Variants in HERC4 observed in about 807,000 individuals in gnomAD.
HERC4 encodes HECT and RLD domain containing E3 ubiquitin protein ligase 4.
A neutral mutation model predicts 124.3 loss-of-function variants in HERC4; 28 were observed. That is an observed-to-expected ratio of 0.23 (90% CI 0.17 to 0.31). HERC4 has a LOEUF of 0.31. Among genes scored for constraint, HERC4 ranks in the 10% least tolerant of loss-of-function variants. The pLI is 1.00. For synonymous variants in HERC4, 407 were observed against 421.5 expected, an observed-to-expected ratio of 0.97 and a Z score of 0.42; for missense variants, 713 against 1,229.3, an observed-to-expected ratio of 0.58 and a Z score of 6.28.
intron 9 of HERC4, among the ~76,000 whole-genome samples, chr10:68,008,282 T>C (rs1023183623): frequency 5.3e-5 from 8 of 152,230 alleles, no homozygotes; most frequent in Non-Finnish European, 1.2e-4. Context: ...CCAAAGCATG[T>C]AGAGACTAAT....
intron 16 of HERC4, chr10:67,961,025 T>G (rs2034481904): frequency 3.1e-6 from 1 of 325,388 alleles, no homozygotes; most frequent in Non-Finnish European, 5.8e-6. Context: ...AGAGGTCTTC[T>G]GTACCTGACC....
intron 3 of HERC4, among the ~76,000 whole-genome samples, chr10:68,071,965 G>T (rs1554833740): frequency 6.6e-6 from 1 of 152,122 alleles, no homozygotes; most frequent in African/African-American, 2.4e-5. Flanking sequence ...GAATATCTTA[G>T]ATTACATTAA....
intron 7 of HERC4, among the ~76,000 whole-genome samples, chr10:68,027,503 C>T (rs1279802290): frequency 2.0e-5 from 3 of 152,238 alleles, no homozygotes; most frequent in Admixed American, 6.5e-5. Flanking sequence ...CCATACTATA[C>T]CACGTTCACA....
intron 4 of HERC4, 81 bp downstream of exon 4, chr10:68,044,323 C>A (rs1259488124): frequency 5.1e-6 from 7 of 1,370,832 alleles, no homozygotes; most frequent in South Asian, 1.5e-5. Context: ...TCTTACAGGC[C>A]CAAAGATAAG....
chr10:67,991,184 C>T lies in HERC4; in HGVS notation c.1287G>A (p.Thr429=), dbSNP rs141878142. The T allele has an allele frequency of 1.7e-4, 256 of 1,542,560 alleles. 1 individual carries two copies. The African/African-American group carries it at 3.0e-3, about 18-fold the overall frequency. Residue 429 remains threonine, a synonymous_variant, in exon 12 of 25, where the codon ACG becomes ACA. Coordinates refer to ENST00000373700, the MANE Select transcript of HERC4 (RefSeq NM_015601.4). ...CATTTAGGCAACCAGAGGAAGAAAA[C>T]GTTCCATCTATCTCACTAAAAAATT... ...PVEIANEIDG[T]FSSSGCLNGS...
At chr10:68,032,567 T>C (rs1442561539) in intron 7 of HERC4, among the ~76,000 whole-genome samples, 1 of 152,194 alleles carries the variant, frequency 6.6e-6, no homozygotes, top group Non-Finnish European at 1.5e-5. Flanking sequence ...CATATAATAG[T>C]ATATCAGAAT....
rs1405302770 is a variant in HERC4 at position 67,988,684 on chromosome 10, C to G, written c.1785G>C (p.Lys595Asn). 6.3e-7 allele frequency: 1 copy of G among 1,584,986 alleles called. No homozygotes were observed. Among genetic ancestry groups the G allele is most frequent in the Non-Finnish European group, 8.6e-7 (1 of 1,167,384 alleles). The change falls in exon 15 of 25, where the codon AAG becomes AAC. Residue 595 changes from lysine (K) to asparagine (N), a missense_variant. Coordinates refer to ENST00000373700, the MANE Select transcript of HERC4 (RefSeq NM_015601.4). ...IFNSFLHTAL[K>N]VLEILHRVNE... ...ATACCCTATGTAGTATTTCTAAAAC[C>G]TTTAATGCAGTATGAAGAAAACTGT...
Position 68,014,039 on chromosome 10 carries a change from A to T in HERC4, c.1056T>A (p.Cys352Ter). The stretch of plus-strand genomic sequence containing the variant: ...GACAGAACTTACCAATATCTGGTAG[A>T]CACTGCCCATTATAGGGGTACCAAT... Reference protein sequence around the residue: ...KGNWYPYNGQCLPDIDSEEYF... With the variant: ...KGNWYPYNGQ The change falls in exon 9 of 25, where the codon TGT (cysteine) becomes TGA (stop). Residue 352 changes from cysteine (C) to a stop codon, truncating the protein, a stop_gained. Coordinates refer to ENST00000373700, the MANE Select transcript of HERC4 (RefSeq NM_015601.4). LOFTEE classifies it high-confidence loss of function. 6.2e-7 allele frequency: 1 copy of T among 1,608,584 alleles called. No individual in the cohort carries two copies. The highest frequency in any genetic ancestry group is 8.5e-7 in the Non-Finnish European group (1 of 1,178,068).
chr10:68,074,609 C>G (rs1039657048), intron 1 of HERC4: 2 of 152,194 alleles, frequency 1.3e-5, no homozygotes, highest in African/African-American at 4.8e-5. Context: ...GCACCCAGAT[C>G]AGCTCATGGG....
intron 19 of HERC4, among the ~76,000 whole-genome samples, chr10:67,953,173 C>T (rs926611098): frequency 1.3e-5 from 2 of 152,116 alleles, no homozygotes; most frequent in African/African-American, 4.8e-5. Context: ...GTAGATTTGA[C>T]TTTGGAACTA....
intron 8 of HERC4, among the ~76,000 whole-genome samples, chr10:68,023,249 T>C (rs896133023): frequency 6.6e-6 from 1 of 152,168 alleles, no homozygotes; most frequent in African/African-American, 2.4e-5. Context: ...TTCATGTTCA[T>C]AGCAACAATA....
chr10:67,992,226 G>A lies in HERC4; in HGVS notation c.1244C>T (p.Ser415Phe), dbSNP rs766126973. ...ALIQKWLSYP[S>F]GRFPVEIANE... ...GGCTATCTCCACAGGAAACCTTCCA[G>A]AAGGATAGCTCAGCCATTTCTGAAT... The change falls in exon 11 of 25, where the codon TCT (serine) becomes TTT (phenylalanine). Residue 415 changes from serine to phenylalanine, a missense_variant. Ser to Phe is a radical substitution (Grantham distance 155). Coordinates refer to ENST00000373700, the MANE Select transcript of HERC4 (RefSeq NM_015601.4). The A allele has an allele frequency of 1.1e-5, 17 of 1,613,916 alleles. No individual in the cohort carries two copies. Among genetic ancestry groups the A allele is most frequent in the Non-Finnish European group, 1.4e-5 (16 of 1,179,940 alleles).
At chr10:68,067,919 A>G (rs2041375824) in intron 3 of HERC4, 1 of 152,238 alleles carries the variant, frequency 6.6e-6, no homozygotes, top group Non-Finnish European at 1.5e-5. Flanking sequence ...TTGGTACAAT[A>G]TTACATCTTG....
In HERC4 at chr10:68,068,193, TA is replaced by T. The variant is rs200329439; in HGVS notation, c.226+4689del. On this transcript the variant is annotated intron_variant, in intron 3 of 24. Transcript: ENST00000373700. ...GGGAGACCCCCTTCTCTAACAAACATAAAAAAATTGGCCAGGCCTGGTGGCT... is the reference window on the plus strand; with the variant it reads ...GGGAGACCCCCTTCTCTAACAAACATAAAAAATTGGCCAGGCCTGGTGGCT... The T allele has an allele frequency of 8.1e-3, 1,224 of 151,918 alleles. 16 individuals carry two copies. The highest frequency in any genetic ancestry group is 0.028 in the African/African-American group (1,178 of 41,370). 9.4% of individuals were successfully genotyped at this position (151,918 alleles called of 1,614,324 possible). A position where few individuals can be genotyped will look rare whatever the true frequency, so the allele number is the denominator to read the frequency against.
chr10:68,054,702 A>G (rs972841201), intron 3 of HERC4, among the ~76,000 whole-genome samples: 7 of 152,138 alleles, frequency 4.6e-5, no homozygotes, highest in Non-Finnish European at 8.8e-5. Flanking sequence ...TTAGTGAATA[A>G]CATCAATGAG....
At chr10:67,980,518 G>A (rs541518934) in intron 15 of HERC4, among the ~76,000 whole-genome samples, 1 of 152,092 alleles carries the variant, frequency 6.6e-6, no homozygotes, top group African/African-American at 2.4e-5. Flanking sequence ...GCTAAATGGA[G>A]GTCTTCAATC....
intron 3 of HERC4, among the ~76,000 whole-genome samples, chr10:68,072,489 G>C (rs56078104): frequency 6.6e-6 from 1 of 151,946 alleles, no homozygotes; most frequent in South Asian, 2.1e-4. Context: ...AAAAGCTTCC[G>C]TCTTGTTTTC....
At chr10:68,050,874 A>C (rs2040258992) in intron 3 of HERC4, among the ~76,000 whole-genome samples, 1 of 152,200 alleles carries the variant, frequency 6.6e-6, no homozygotes, top group South Asian at 2.1e-4. Flanking sequence ...CAGCAAAACA[A>C]ACAAAAAAAT....
At chr10:68,030,864 T>C (rs2039167656) in intron 7 of HERC4, among the ~76,000 whole-genome samples, 1 of 152,222 alleles carries the variant, frequency 6.6e-6, no homozygotes, top group African/African-American at 2.4e-5. Context: ...ACATGGTATG[T>C]CTTTCCATTT....
Sources: allele counts gnomAD v4.1 joint callset (sites outside exome capture counted in the v4.1 genomes callset), GRCh38; gene constraint gnomAD v4.1.1; transcripts MANE v1.5; gene names NCBI Gene and HGNC (gene_info 2026-07-23, HGNC 2026-07-21).